The following SPOCK3 variants were observed in gnomAD, a reference collection of about 807,000 sequenced individuals.
SPOCK3 encodes SPARC (osteonectin), cwcv and kazal like domains proteoglycan 3.
SPOCK3 carries 30 observed loss-of-function variants against 56.6 expected under a neutral mutation model. The ratio of observed to expected loss-of-function variants is 0.53; its 90% confidence interval spans 0.40 to 0.72. The LOEUF is 0.72. Ranked by LOEUF, SPOCK3 falls within the 30% of genes least tolerant of loss-of-function variation. The probability of loss-of-function intolerance (pLI) is 0.00; values close to 1 mark genes in which losing one functional copy is unlikely to be tolerated. For missense variants in SPOCK3, 527 were observed against 530.0 expected, an observed-to-expected ratio of 0.99 and a Z score of 0.06; for synonymous variants, 196 against 183.3, an observed-to-expected ratio of 1.07 and a Z score of -0.56.
intron 4 of SPOCK3, among the ~76,000 whole-genome samples, chr4:166,919,230 A>G (rs971176282): frequency 3.3e-5 from 5 of 152,212 alleles, no homozygotes; most frequent in Admixed American, 1.3e-4. Flanking sequence ...AAAAGTTACC[A>G]AGAAATCAAA....
intron 2 of SPOCK3, among the ~76,000 whole-genome samples, chr4:167,173,751 T>C (rs1326398171): frequency 2.6e-5 from 4 of 151,896 alleles, no homozygotes; most frequent in Non-Finnish European, 5.9e-5. Flanking sequence ...CAGAGTACAG[T>C]GAGAAAAACT....
chr4:166,852,682 G>C (rs919249488), intron 6 of SPOCK3, among the ~76,000 whole-genome samples: 1 of 152,158 alleles, frequency 6.6e-6, no homozygotes, highest in Admixed American at 6.5e-5. Flanking sequence ...TTCCCAGGCT[G>C]TCAGTATGGC....
At position 166,892,939 on chromosome 4, in the gene SPOCK3, C is replaced by T. The variant is rs4412020; in HGVS notation, c.475-3695G>A. ...CACTGCGACAGGCTGTTGTTACCAGCTTTCAAACTGATGAAATCATCATGG... is the reference window on the plus strand; with the variant it reads ...CACTGCGACAGGCTGTTGTTACCAGTTTTCAAACTGATGAAATCATCATGG... On this transcript the variant is annotated intron_variant, in intron 5 of 10. Transcript: ENST00000357545. Among the ~76,000 whole-genome samples, 1,220 of 152,180 alleles carry T rather than the reference C, an allele frequency of 8.0e-3. 15 individuals are homozygous for T. The highest frequency in any genetic ancestry group is 0.027 in the African/African-American group (1,127 of 41,532).
chr4:166,819,892 T>C (rs963752102), intron 6 of SPOCK3, among the ~76,000 whole-genome samples: 1 of 151,896 alleles, frequency 6.6e-6, no homozygotes, highest in African/African-American at 2.4e-5. Flanking sequence ...GATTAATATT[T>C]ATAATTTTTC....
chr4:166,776,321 G>C lies in SPOCK3; in HGVS notation c.709+15849C>G, dbSNP rs960953074. On this transcript the variant is annotated intron_variant, in intron 7 of 10. Coordinates refer to ENST00000357545, the MANE Select transcript of SPOCK3 (RefSeq NM_001040159.2). ...CCAGCTACTCAGGAGGCTGAGGCAGGAGAATCGCTTCAACCCGGGAAGTGG... is the reference window on the plus strand; with the variant it reads ...CCAGCTACTCAGGAGGCTGAGGCAGCAGAATCGCTTCAACCCGGGAAGTGG... Among the ~76,000 whole-genome samples the C allele has an allele frequency of 6.6e-5, 10 of 152,238 alleles. No individual in the cohort carries two copies. The Middle Eastern group carries it at 0.01, about 156-fold the overall frequency.
chr4:166,990,996 T>C (rs1747723161), intron 4 of SPOCK3, among the ~76,000 whole-genome samples: 1 of 152,244 alleles, frequency 6.6e-6, no homozygotes, highest in East Asian at 1.9e-4. Context: ...TTTAAAGTAA[T>C]AGGTCTAAAT....
chr4:167,224,631 T>C (rs991530020), intron 2 of SPOCK3, among the ~76,000 whole-genome samples: 12 of 152,118 alleles, frequency 7.9e-5, no homozygotes, highest in Non-Finnish European at 1.5e-4. Context: ...AGATATATAA[T>C]ACAGATAAAT....
At position 167,167,242 on chromosome 4, in the gene SPOCK3, T is replaced by C. The variant is rs1034426607; in HGVS notation, c.189+66743A>G. On this transcript the variant is annotated intron_variant, in intron 2 of 10. Coordinates refer to ENST00000357545, the MANE Select transcript of SPOCK3 (RefSeq NM_001040159.2). ...AAAATCATATTCACAGTATTGATAT[T>C]TGAATTTTTAAAAAATAGTTTCAAA... 5.3e-5 allele frequency among the ~76,000 whole-genome samples: 8 copies of C among 152,146 alleles called. 1 individual carries two copies. Among genetic ancestry groups the C allele is most frequent in the Admixed American group, 1.3e-4 (2 of 15,260 alleles).
intron 2 of SPOCK3, among the ~76,000 whole-genome samples, chr4:167,074,453 C>A (rs1561189683): frequency 6.6e-6 from 1 of 151,888 alleles, no homozygotes; most frequent in African/African-American, 2.4e-5. Context: ...AAGTTTTGAA[C>A]TGAGGCCTTC....
intron 2 of SPOCK3, among the ~76,000 whole-genome samples, chr4:167,096,352 C>T (rs572833097): frequency 6.6e-6 from 1 of 151,952 alleles, no homozygotes; most frequent in South Asian, 2.1e-4. Context: ...AACTTAGATT[C>T]TTGAATTTAG....
At chr4:166,951,484 G>C (rs1210402916) in intron 4 of SPOCK3, among the ~76,000 whole-genome samples, 3 of 142,096 alleles carry the variant, frequency 2.1e-5, no homozygotes, top group Non-Finnish European at 3.0e-5. Context: ...TGGATTCACA[G>C]CCGAATTCTA....
intron 3 of SPOCK3, among the ~76,000 whole-genome samples, chr4:167,014,153 C>G (rs1482251775): frequency 4.6e-5 from 7 of 152,132 alleles, no homozygotes; most frequent in Admixed American, 4.6e-4. Flanking sequence ...CTCTGGCCCA[C>G]TTTGAGTAAC....
chr4:167,010,846 C>A (rs947235160), intron 3 of SPOCK3, among the ~76,000 whole-genome samples: 5 of 151,934 alleles, frequency 3.3e-5, no homozygotes, highest in Admixed American at 3.3e-4. Context: ...TGAGGTGAAA[C>A]TCATTAAAAA....
At chr4:166,762,651 T>C (rs993551755) in intron 7 of SPOCK3, among the ~76,000 whole-genome samples, 4 of 152,108 alleles carry the variant, frequency 2.6e-5, no homozygotes, top group South Asian at 2.1e-4. Context: ...CTGAGCAGAA[T>C]ACCAGGAGCT....
intron 4 of SPOCK3, among the ~76,000 whole-genome samples, chr4:166,913,258 C>T (rs1320123545): frequency 6.6e-6 from 1 of 152,144 alleles, no homozygotes; most frequent in East Asian, 1.9e-4. Flanking sequence ...TTAGTGATAA[C>T]AAATCTCCTT....
chr4:167,125,557 TA>T (rs915415519), intron 2 of SPOCK3, among the ~76,000 whole-genome samples: 1 of 150,664 alleles, frequency 6.6e-6, no homozygotes, highest in African/African-American at 2.4e-5. Context: ...ACTAAAAATA[TA>T]AAAAAATTCG....
At chr4:167,103,880 C>T (rs546907231) in intron 2 of SPOCK3, among the ~76,000 whole-genome samples, 2 of 152,232 alleles carry the variant, frequency 1.3e-5, no homozygotes, top group African/African-American at 2.4e-5. Flanking sequence ...CAACTCCAGG[C>T]AGGTCATCAC....
At chr4:167,109,375 TA>T (rs1760639325) in intron 2 of SPOCK3, among the ~76,000 whole-genome samples, 4 of 24,424 alleles carry the variant, frequency 1.6e-4, no homozygotes, top group Non-Finnish European at 2.6e-4. Flanking sequence ...TATATATATT[TA>T]TATAAAATAT....
At chr4:166,806,352 C>A (rs1743163296) in intron 6 of SPOCK3, among the ~76,000 whole-genome samples, 1 of 151,902 alleles carries the variant, frequency 6.6e-6, no homozygotes, top group African/African-American at 2.4e-5. Flanking sequence ...TTACAGTTTA[C>A]CATAAGTGAA....
Sources: allele counts gnomAD v4.1 joint callset (sites outside exome capture counted in the v4.1 genomes callset), GRCh38; gene constraint gnomAD v4.1.1; transcripts MANE v1.5; gene names NCBI Gene and HGNC (gene_info 2026-07-23, HGNC 2026-07-21).